Variants in CNP observed in about 807,000 individuals in gnomAD.
CNP encodes 2',3'-cyclic nucleotide 3' phosphodiesterase.
CNP carries 8 observed loss-of-function variants against 37.9 expected under a neutral mutation model. That is an observed-to-expected ratio of 0.21 (90% CI 0.12 to 0.38). The LOEUF (loss-of-function observed/expected upper bound fraction) is 0.38, where lower values mean the gene tolerates loss of function less well. CNP is among the 10% of genes least tolerant of loss of function. The pLI is 1.00. For missense variants in CNP, 457 were observed against 551.0 expected (o/e 0.83, Z 1.71); for synonymous variants, 237 against 238.3 (o/e 0.99, Z 0.05).
chr17:41,973,663 T>A lies in CNP; in HGVS notation c.1005T>A (p.Cys335Ter). 6.2e-7 allele frequency: 1 copy of A among 1,614,052 alleles called. No homozygotes were observed. Among genetic ancestry groups the A allele is most frequent in the Non-Finnish European group, 8.5e-7 (1 of 1,180,022 alleles). ...RGSRAHITLG[C>*]AADVEAVQTG... ...GCCGCGCCCACATCACCCTCGGCTG[T>A]GCAGCTGACGTAGAGGCCGTGCAGA... The change falls in exon 4 of 4, where the codon TGT becomes TGA. Residue 335 changes from cysteine (C) to a stop codon, truncating the protein, a stop_gained. Coordinates refer to ENST00000393892, the MANE Select transcript of CNP (RefSeq NM_033133.5). LOFTEE classifies it high-confidence loss of function.
rs546987699 is a variant in CNP, at chr17:41,973,465, C to T, written c.817-10C>T. 223 of 1,605,900 alleles carry T rather than the reference C, an allele frequency of 1.4e-4. 2 individuals carry two copies. The South Asian group carries it at 2.4e-3, about 17-fold the overall frequency. On this transcript the variant is annotated splice_polypyrimidine_tract_variant and intron_variant, in intron 3 of 3. Coordinates refer to ENST00000393892, the MANE Select transcript of CNP (RefSeq NM_033133.5). ...CTCTAGCTTGGGCCCCTCTTTCTCA[C>T]TCTCCCCAGGTGTTAAAGAAATCTT...
At chr17:41,972,699 G>A (rs1461804411) in intron 3 of CNP, among the ~76,000 whole-genome samples, 4 of 152,162 alleles carry the variant, frequency 2.6e-5, no homozygotes, top group African/African-American at 4.8e-5. Context: ...CCCTGAGGGC[G>A]AGTTTTTAAG....
intron 1 of CNP, 45 bp downstream of exon 1, chr17:41,966,932 G>A (rs2050905325): frequency 7.7e-7 from 1 of 1,297,570 alleles, no homozygotes; most frequent in Non-Finnish European, 9.8e-7. Context: ...ACCAGGGCGG[G>A]AAACGAGTGT....
Position 41,977,403 on chromosome 17 carries a change from G to A in CNP, c.*3479G>A, listed in dbSNP as rs1451111500. The stretch of plus-strand genomic sequence containing the variant: ...GTTCGAAGAGAACTGATGACACTGA[G>A]AACAGATCTCCAAAGCTTTCCTGGA... On this transcript the variant is annotated 3_prime_UTR_variant, in exon 4 of 4. Transcript: ENST00000393892. The A allele has an allele frequency of 3.9e-6, 5 of 1,289,892 alleles. No homozygotes were observed. The African/African-American group carries it at 7.4e-5, about 19-fold the overall frequency. 79.9% of individuals were successfully genotyped at this position (1,289,892 alleles called of 1,614,324 possible).
In CNP at chr17:41,977,419, C is replaced by T; in HGVS notation, c.*3495C>T. ...TGACACTGAGAACAGATCTCCAAAG[C>T]TTTCCTGGAGAGTCTCACTCCCCTC... On this transcript the variant is annotated 3_prime_UTR_variant, in exon 4 of 4. Transcript: ENST00000393892. 1 of 1,164,510 alleles carries T rather than the reference C, an allele frequency of 8.6e-7. No individual in the cohort carries two copies. Among genetic ancestry groups the T allele is most frequent in the African/African-American group, 1.5e-5 (1 of 65,322 alleles). 72.1% of individuals were successfully genotyped at this position (1,164,510 alleles called of 1,614,324 possible).
chr17:41,972,020 G>C lies in CNP; in HGVS notation c.805G>C (p.Ala269Pro). ...GAAGGCTCCCGGGGCAGAGGAGTAC[G>C]CTCAACAAGATGTGAGTCTTCCCCA... ...YGKAPGAEEYAQQDVLKKSYS... is the reference protein window; with the variant it reads ...YGKAPGAEEYPQQDVLKKSYS... The change falls in exon 3 of 4, where the codon GCT (alanine) becomes CCT (proline). Residue 269 changes from alanine to proline, a missense_variant. Physicochemically the swap from Ala to Pro is conservative, Grantham distance 27. This residue lies in a region of CNP where 291 missense variants were observed against 291.7 expected (regional missense o/e 1.00). Transcript: ENST00000393892. 6.2e-7 allele frequency: 1 copy of C among 1,613,716 alleles called. No homozygotes were observed. Among genetic ancestry groups the C allele is most frequent in the African/African-American group, 1.3e-5 (1 of 74,942 alleles).
Position 41,976,562 on chromosome 17 carries a change from A to C in CNP, c.*2638A>C. ...CCCTCCCCTGCCCTCGGTCTTCGGC[A>C]TTGGTTCCCTTTGCTCCACCCCACT... On this transcript the variant is annotated 3_prime_UTR_variant, in exon 4 of 4. Transcript: ENST00000393892. The C allele has an allele frequency of 8.3e-6, 6 of 726,478 alleles. No individual in the cohort carries two copies. The highest frequency in any genetic ancestry group is 3.5e-5 in the East Asian group (1 of 28,212). 45.0% of individuals were successfully genotyped at this position (726,478 alleles called of 1,614,324 possible).
At position 41,968,247 on chromosome 17, in the gene CNP, C is replaced by T. The variant is rs1555643213; in HGVS notation, c.183C>T (p.Ser61=). 3 of 1,614,058 alleles carry T rather than the reference C, an allele frequency of 1.9e-6. No homozygotes were observed. Among genetic ancestry groups the T allele is most frequent in the Non-Finnish European group, 1.7e-6 (2 of 1,180,020 alleles). The change falls in exon 2 of 4, where the codon AGC becomes AGT. Residue 61 remains serine (S), a synonymous_variant. Transcript: ENST00000393892. The surrounding 1 kb of genome is among the most constrained non-coding windows in gnomAD (Gnocchi z 4.8). ...TLFILRGLPG[S]GKSTLARVIV... ...TCATCTTGCGCGGCCTGCCAGGAAG[C>T]GGCAAGTCCACGCTGGCACGGGTCA...
In CNP at chr17:41,976,499, C is replaced by T. The variant is rs1309536376; in HGVS notation, c.*2575C>T. On this transcript the variant is annotated 3_prime_UTR_variant, in exon 4 of 4. Coordinates refer to ENST00000393892, the MANE Select transcript of CNP (RefSeq NM_033133.5). ...TTTTTAATAAAGTTAAACAGTAAAA[C>T]AAAAATTCACAAGCTGCCTCCCTGT... is the stretch of plus-strand genomic sequence containing the variant. 8.2e-6 allele frequency: 4 copies of T among 486,946 alleles called. No homozygotes were observed. The highest frequency in any genetic ancestry group is 1.4e-5 in the Non-Finnish European group (4 of 280,516). 30.2% of individuals were successfully genotyped at this position (486,946 alleles called of 1,614,324 possible).
In CNP at chr17:41,974,475, G is replaced by C. The variant is rs1322725875; in HGVS notation, c.*551G>C. 6.5e-6 allele frequency: 1 copy of C among 153,274 alleles called. No homozygotes were observed. Among genetic ancestry groups the C allele is most frequent in the Non-Finnish European group, 1.4e-5 (1 of 68,968 alleles). The allele number at this position is 153,274 out of a possible 1,614,324, so 9.5% of individuals were successfully genotyped here. A position where few individuals can be genotyped will look rare whatever the true frequency, so the allele number is the denominator to read the frequency against. ...CAGGGTCCTGCTATTTCCCAAGCTG[G>C]AGTGCAGTGGTGCGATCATGGCTCA... is the stretch of plus-strand genomic sequence containing the variant. On this transcript the variant is annotated 3_prime_UTR_variant, in exon 4 of 4. Transcript: ENST00000393892.
In CNP at chr17:41,968,885, G is replaced by C. The variant is rs993841079; in HGVS notation, c.676+145G>C. 3 of 956,568 alleles carry C rather than the reference G, an allele frequency of 3.1e-6. No homozygotes were observed. In the East Asian group the frequency reaches 7.9e-5, roughly 25 times the overall value. The allele number at this position is 956,568 out of a possible 1,614,324, so 59.3% of individuals were successfully genotyped here. The stretch of plus-strand genomic sequence containing the variant: ...ACCTCAGCGGGGGCAGGGGCAAGCG[G>C]TGCGTCCCAGTGGTAGCCTTGGGGA... On this transcript the variant is annotated intron_variant, in intron 2 of 3. Transcript: ENST00000393892. The surrounding 1 kb of genome is among the most constrained non-coding windows in gnomAD (Gnocchi z 4.8).
chr17:41,969,782 C>T (rs2050957956), intron 2 of CNP, among the ~76,000 whole-genome samples: 1 of 152,162 alleles, frequency 6.6e-6, no homozygotes, highest in Non-Finnish European at 1.5e-5. Flanking sequence ...TATTGAACTC[C>T]TGACCTCAGG....
intron 1 of CNP, chr17:41,967,186 A>C (rs2144555882): frequency 3.4e-6 from 1 of 294,248 alleles, no homozygotes; most frequent in Non-Finnish European, 6.2e-6. Flanking sequence ...GCTGCTCCCG[A>C]CCCCACGCAG....
chr17:41,967,988 A>G, intron 1 of CNP, 80 bp from the exon 2 acceptor site: 2 of 1,531,492 alleles, frequency 1.3e-6, no homozygotes, highest in Non-Finnish European at 8.8e-7. Context: ...GGCACCCACA[A>G]CCAGTCTAGG....
Position 41,968,487 on chromosome 17 carries a change from C to T in CNP, c.423C>T (p.Tyr141=), listed in dbSNP as rs1555643269. ...AGCTCTTTGAAATGGCCGACCAGTA[C>T]CAGTACCAGGTGGTGCTGGTGGAGC... ...LEQLFEMADQ[Y]QYQVVLVEPK... Residue 141 remains tyrosine, a synonymous_variant, in exon 2 of 4, where the codon TAC becomes TAT. Coordinates refer to ENST00000393892, the MANE Select transcript of CNP (RefSeq NM_033133.5). The surrounding 1 kb of genome is among the most constrained non-coding windows in gnomAD (Gnocchi z 4.8). The T allele has an allele frequency of 9.3e-6, 15 of 1,614,024 alleles. No homozygotes were observed. Among genetic ancestry groups the T allele is most frequent in the Admixed American group, 1.7e-5 (1 of 59,992 alleles).
chr17:41,973,471 C>T lies in CNP; in HGVS notation c.817-4C>T. ...CTTGGGCCCCTCTTTCTCACTCTCC[C>T]CAGGTGTTAAAGAAATCTTACTCCA... On this transcript the variant is annotated splice_region_variant and splice_polypyrimidine_tract_variant and intron_variant, in intron 3 of 3. Transcript: ENST00000393892. The T allele has an allele frequency of 2.5e-6, 4 of 1,612,036 alleles. No homozygotes were observed. Among genetic ancestry groups the T allele is most frequent in the East Asian group, 4.5e-5 (2 of 44,854 alleles).
At position 41,977,163 on chromosome 17, in the gene CNP, C is replaced by T. The variant is rs141817989; in HGVS notation, c.*3239C>T. 33 of 1,238,448 alleles carry T rather than the reference C, an allele frequency of 2.7e-5. No individual in the cohort carries two copies. Among genetic ancestry groups the T allele is most frequent in the South Asian group, 1.5e-4 (11 of 74,558 alleles). The allele number at this position is 1,238,448 out of a possible 1,614,324, so 76.7% of individuals were successfully genotyped here. ...TGCTAGATGAGAATTCAGCTGCCCC[C>T]GCTCATGGGCCCCTCTGACTCCCAA... On this transcript the variant is annotated 3_prime_UTR_variant, in exon 4 of 4. Coordinates refer to ENST00000393892, the MANE Select transcript of CNP (RefSeq NM_033133.5).
At chr17:41,967,822 T>C in intron 1 of CNP, 1 of 1,356,470 alleles carries the variant, frequency 7.4e-7, no homozygotes, top group Non-Finnish European at 9.5e-7. Flanking sequence ...CCCGCATGCC[T>C]CCAGCACGTT....
intron 3 of CNP, among the ~76,000 whole-genome samples, 167 bp from the exon 4 acceptor site, chr17:41,973,308 C>T (rs553426776): frequency 6.8e-4 from 103 of 152,330 alleles, no homozygotes; most frequent in African/African-American, 2.2e-3. Flanking sequence ...ATGGAAGGTG[C>T]GTGCCGCAGT....
Sources: gnomAD v4.1 joint callset for allele counts (sites outside exome capture counted in the v4.1 genomes callset) on GRCh38, gnomAD v4.1.1 for gene constraint, gnomAD v4.1.1 regional missense constraint, Gnocchi (gnomAD v3.1) non-coding constraint, MANE v1.5 for transcripts, NCBI Gene and HGNC (gene_info 2026-07-23, HGNC 2026-07-21) for gene names.